The following RRAS2 variants were observed in gnomAD, a reference collection of about 807,000 sequenced individuals.
RRAS2 encodes ras-related protein R-Ras2.
Under a neutral mutation model 27.6 loss-of-function variants are expected in RRAS2, and 7 were observed. That is an observed-to-expected ratio of 0.25 (90% CI 0.14 to 0.48). RRAS2 has a LOEUF of 0.48. Among genes scored for constraint, RRAS2 ranks in the 20% least tolerant of loss-of-function variants. The pLI is 0.99. For synonymous variants in RRAS2, 86 were observed against 90.9 expected (o/e 0.95, Z 0.31); for missense variants, 178 against 256.2 (o/e 0.69, Z 2.08).
At position 14,278,328 on chromosome 11, in the gene RRAS2, C is replaced by T. The variant is rs1849430752; in HGVS notation, c.*1009G>A. 6.6e-6 allele frequency: 1 copy of T among 152,162 alleles called. No individual in the cohort carries two copies. The highest frequency in any genetic ancestry group is 1.5e-5 in the Non-Finnish European group (1 of 68,014). 9.4% of individuals were successfully genotyped at this position (152,162 alleles called of 1,614,324 possible). On this transcript the variant is annotated 3_prime_UTR_variant, in exon 6 of 6. Transcript: ENST00000256196. ...TCTACCACAGTTTCTGTAGTTTCCA[C>T]TTGTTTTTCTTTGTCAGTTAAAAGT...
chr11:14,341,931 C>G (rs1246566438), intron 1 of RRAS2: 1 of 447,416 alleles, frequency 2.2e-6, no homozygotes, highest in African/African-American at 2.0e-5. Flanking sequence ...AATTTGGTAT[C>G]TGTCATTCTC....
At chr11:14,309,022 G>A (rs1554948482) in intron 1 of RRAS2, among the ~76,000 whole-genome samples, 2 of 152,176 alleles carry the variant, frequency 1.3e-5, no homozygotes, top group African/African-American at 4.8e-5. Context: ...CTAAAACTGA[G>A]TATTCAAAAA....
chr11:14,298,625 G>A (rs2133967377), intron 1 of RRAS2, among the ~76,000 whole-genome samples: 1 of 152,116 alleles, frequency 6.6e-6, no homozygotes, highest in South Asian at 2.1e-4. Context: ...GGGATTTTTG[G>A]ATATTTAGGT....
intron 1 of RRAS2, among the ~76,000 whole-genome samples, chr11:14,333,562 T>C (rs1483613829): frequency 6.6e-6 from 1 of 152,224 alleles, no homozygotes; most frequent in East Asian, 1.9e-4. Flanking sequence ...TGTTTTCCTA[T>C]GCATATATAA....
chr11:14,309,063 G>A (rs1259319087), intron 1 of RRAS2, among the ~76,000 whole-genome samples: 1 of 152,088 alleles, frequency 6.6e-6, no homozygotes, highest in Non-Finnish European at 1.5e-5. Context: ...ACTTAGAAAT[G>A]GAAGGGTGCC....
At position 14,294,482 on chromosome 11, in the gene RRAS2, G is replaced by A; in HGVS notation, c.397C>T (p.His133Tyr). The A allele has an allele frequency of 6.3e-7, 1 of 1,576,878 alleles. No individual in the cohort carries two copies. The highest frequency in any genetic ancestry group is 8.6e-7 in the Non-Finnish European group (1 of 1,161,992). ...ILIGNKADLD[H>Y]QRQVTQEEGQ... is the part of the protein sequence containing the mutation. ...AAATTCCTTCTCACCTGTCTTTGAT[G>A]ATCCAGATCTGCTTTATTACCAATT... is the stretch of plus-strand genomic sequence containing the variant. Residue 133 changes from histidine (H) to tyrosine (Y), a missense_variant, in exon 4 of 6, where the codon CAT (histidine) becomes TAT (tyrosine). Transcript: ENST00000256196.
At chr11:14,336,044 G>T (rs1315538979) in intron 1 of RRAS2, among the ~76,000 whole-genome samples, 1 of 152,222 alleles carries the variant, frequency 6.6e-6, no homozygotes, top group African/African-American at 2.4e-5. Context: ...ACACCCCACT[G>T]CAGTGGTGTC....
chr11:14,338,744 G>A (rs1319052268), intron 1 of RRAS2, among the ~76,000 whole-genome samples: 2 of 152,002 alleles, frequency 1.3e-5, no homozygotes, highest in Non-Finnish European at 2.9e-5. Context: ...AAGGGGTTTT[G>A]GGGATTTAAA....
intron 5 of RRAS2, among the ~76,000 whole-genome samples, 160 bp from the exon 6 acceptor site, chr11:14,279,584 G>A (rs1438109401): frequency 2.0e-5 from 3 of 152,006 alleles, no homozygotes; most frequent in Non-Finnish European, 4.4e-5. Flanking sequence ...CCAAAAAAGG[G>A]CACAAACGCG....
At chr11:14,361,217 G>A (rs1849187479), upstream of RRAS2, among the ~76,000 whole-genome samples, 1 of 152,058 alleles carries the variant, frequency 6.6e-6, no homozygotes, top group African/African-American at 2.4e-5. Flanking sequence ...AACGCTGGAA[G>A]CGGAAGTTAC....
intron 1 of RRAS2, among the ~76,000 whole-genome samples, chr11:14,321,175 T>A (rs1232810108): frequency 1.3e-5 from 2 of 148,210 alleles, no homozygotes; most frequent in African/African-American, 2.5e-5. Flanking sequence ...CAAGACTCCA[T>A]CTCAAAAAAA....
intron 1 of RRAS2, among the ~76,000 whole-genome samples, chr11:14,353,657 C>T (rs573167824): frequency 1.3e-5 from 2 of 150,056 alleles, no homozygotes; most frequent in East Asian, 1.9e-4. Flanking sequence ...AACAGGGGTA[C>T]GCATGCACAC....
upstream of RRAS2, among the ~76,000 whole-genome samples, chr11:14,363,490 C>T (rs782406281): frequency 5.9e-5 from 9 of 152,288 alleles, no homozygotes; most frequent in Non-Finnish European, 8.8e-5. Context: ...AAGTGATGGC[C>T]GGGCGCAGTG....
intron 1 of RRAS2, among the ~76,000 whole-genome samples, chr11:14,355,362 A>C (rs782323357): frequency 7.9e-5 from 12 of 152,136 alleles, no homozygotes; most frequent in Non-Finnish European, 1.2e-4. Context: ...GTCATTTCCT[A>C]CCTAGAGTTT....
At chr11:14,280,428 G>A (rs183602870) in intron 5 of RRAS2, among the ~76,000 whole-genome samples, 2 of 152,056 alleles carry the variant, frequency 1.3e-5, no homozygotes, top group African/African-American at 4.8e-5. Context: ...ATTTACCTTA[G>A]ATACAAAATA....
rs1554951063 is a variant in RRAS2, at chr11:14,326,843, G to A, written c.109-30988C>T. 1.8e-4 allele frequency among the ~76,000 whole-genome samples: 3 copies of A among 16,338 alleles called. 1 individual carries two copies. The highest frequency in any genetic ancestry group is 2.2e-4 in the African/African-American group (2 of 9,000). The allele number at this position is 16,338 out of a possible 152,430, so 10.7% of individuals were successfully genotyped here. ...TGGGAGGCCGAGGCGGGCGGATCAC[G>A]AGGTCAGGAGATCGAGACCATCCCG... On this transcript the variant is annotated intron_variant, in intron 1 of 5. Coordinates refer to ENST00000256196, the MANE Select transcript of RRAS2 (RefSeq NM_012250.6).
At chr11:14,287,348 C>T (rs1207984869) in intron 4 of RRAS2, among the ~76,000 whole-genome samples, 20 of 152,060 alleles carry the variant, frequency 1.3e-4, no homozygotes, top group Non-Finnish European at 4.4e-5. Flanking sequence ...CAAATAGGTA[C>T]ATCCTTAAGT....
chr11:14,311,354 T>A (rs1847960970), intron 1 of RRAS2, among the ~76,000 whole-genome samples: 1 of 151,978 alleles, frequency 6.6e-6, no homozygotes, highest in Admixed American at 6.6e-5. Context: ...CTTTAAAAAA[T>A]AAAAATAAAA....
intron 1 of RRAS2, among the ~76,000 whole-genome samples, chr11:14,314,324 TG>T (rs1848044019): frequency 6.6e-6 from 1 of 152,208 alleles, no homozygotes; most frequent in African/African-American, 2.4e-5. Flanking sequence ...TTTATTGTCA[TG>T]GGGGTTTCCA....
Sources: gnomAD v4.1 joint callset for allele counts (sites outside exome capture counted in the v4.1 genomes callset) on GRCh38, gnomAD v4.1.1 for gene constraint, MANE v1.5 for transcripts, NCBI Gene and HGNC (gene_info 2026-07-23, HGNC 2026-07-21) for gene names.